PHTF2: variants seen among roughly 807,000 people sequenced by gnomAD.
PHTF2 encodes protein PHTF2.
Under a neutral mutation model 101.2 loss-of-function variants are expected in PHTF2, and 60 were observed. The observed-to-expected ratio is 0.59, with a 90% confidence interval of 0.48 to 0.73. The LOEUF is 0.73. PHTF2 is among the 30% of genes least tolerant of loss of function. The pLI is 0.00. For synonymous variants in PHTF2, 311 were observed against 307.3 expected, an observed-to-expected ratio of 1.01 and a Z score of -0.13; for missense variants, 747 against 908.7, an observed-to-expected ratio of 0.82 and a Z score of 2.29.
chr7:77,955,609 T>A (rs550628379), exon 20 of PHTF2: 9 of 152,762 alleles, frequency 5.9e-5, no homozygotes, highest in African/African-American at 1.9e-4. Flanking sequence ...TTAAAATTGT[T>A]ACTTTTAATG....
intron 5 of PHTF2, 103 bp from the exon 5 acceptor site, chr7:77,900,608 T>G (rs1193077744): frequency 1.4e-6 from 1 of 695,468 alleles, no homozygotes; most frequent in East Asian, 2.7e-5. Flanking sequence ...TTGTTGGTAC[T>G]ATTAACAATT....
chr7:77,838,150 C>T (rs1369689736), intron 1 of PHTF2, among the ~76,000 whole-genome samples: 1 of 152,048 alleles, frequency 6.6e-6, no homozygotes, highest in Non-Finnish European at 1.5e-5. Context: ...TGAATAGTCC[C>T]CTAGCAAAAT....
At chr7:77,837,031 T>C (rs1466751275) in intron 1 of PHTF2, among the ~76,000 whole-genome samples, 1 of 151,958 alleles carries the variant, frequency 6.6e-6, no homozygotes, top group Non-Finnish European at 1.5e-5. Context: ...ATTAAATCTA[T>C]GTCAAGGATA....
chr7:77,942,031 C>A (rs769196369), intron 15 of PHTF2, among the ~76,000 whole-genome samples: 1 of 152,104 alleles, frequency 6.6e-6, no homozygotes, highest in Non-Finnish European at 1.5e-5. Flanking sequence ...AGACTGCTTC[C>A]GTTCTTTACA....
chr7:77,800,801 G>A (rs1408869128), intron 1 of PHTF2, among the ~76,000 whole-genome samples: 1 of 152,146 alleles, frequency 6.6e-6, no homozygotes, highest in Non-Finnish European at 1.5e-5. Flanking sequence ...CTGTGAGATG[G>A]GTACTGATTA....
chr7:77,874,150 C>T (rs1388132803), intron 3 of PHTF2, among the ~76,000 whole-genome samples: 1 of 152,180 alleles, frequency 6.6e-6, no homozygotes, highest in Non-Finnish European at 1.5e-5. Flanking sequence ...AGTGATGAAT[C>T]AGGAGTGTCA....
chr7:77,901,098 T>C (rs1001468635), intron 6 of PHTF2, among the ~76,000 whole-genome samples: 4 of 151,956 alleles, frequency 2.6e-5, no homozygotes, highest in Non-Finnish European at 2.9e-5. Flanking sequence ...AATCACCAGA[T>C]CTCCTGAGAA....
intron 1 of PHTF2, among the ~76,000 whole-genome samples, chr7:77,835,891 G>A (rs952765910): frequency 5.9e-5 from 9 of 151,968 alleles, no homozygotes; most frequent in African/African-American, 9.7e-5. Context: ...AGGCTGAGAC[G>A]GGAGGATCAC....
intron 13 of PHTF2, among the ~76,000 whole-genome samples, chr7:77,938,942 T>G (rs1171190252): frequency 6.6e-6 from 1 of 152,214 alleles, no homozygotes; most frequent in Non-Finnish European, 1.5e-5. Flanking sequence ...AAATTGATAA[T>G]ACTCCCTATA....
At chr7:77,931,353 C>G in intron 12 of PHTF2, among the ~76,000 whole-genome samples, 1 of 152,198 alleles carries the variant, frequency 6.6e-6, no homozygotes, top group Non-Finnish European at 1.5e-5. Context: ...TTAACTATCA[C>G]AGTGTTACTA....
chr7:77,940,575 G>A, exon 15 of PHTF2: 1 of 1,607,432 alleles, frequency 6.2e-7, no homozygotes, highest in South Asian at 1.1e-5. Flanking sequence ...CTGCAAGGAG[G>A]GCTCGAAAAT....
At chr7:77,933,978 A>G (rs1313440849) in intron 12 of PHTF2, among the ~76,000 whole-genome samples, 1 of 152,138 alleles carries the variant, frequency 6.6e-6, no homozygotes, top group Non-Finnish European at 1.5e-5. Flanking sequence ...TCCTAGGCTT[A>G]TATTGGTTTT....
intron 12 of PHTF2, among the ~76,000 whole-genome samples, chr7:77,937,357 T>C (rs1289865388): frequency 6.6e-6 from 1 of 152,170 alleles, no homozygotes; most frequent in African/African-American, 2.4e-5. Flanking sequence ...TAAGTACTTT[T>C]GCTGACATGT....
In PHTF2 at chr7:77,831,732, C is replaced by T. The variant is rs570365040; in HGVS notation, c.-35-8489C>T. ...ACAGAGCACGGCTGCCATGACTGGA[C>T]AGCTTTCTGGTTTCACTACTTGGGT... On this transcript the variant is annotated intron_variant, in intron 1 of 19. Coordinates refer to ENST00000416283, the Ensembl canonical transcript of PHTF2. Among the ~76,000 whole-genome samples, 15 of 152,320 alleles carry T rather than the reference C, an allele frequency of 9.8e-5. No individual in the cohort carries two copies. In the East Asian group the frequency reaches 2.9e-3, roughly 29 times the overall value.
chr7:77,923,640 A>G (rs564717222), intron 11 of PHTF2: 11 of 984,704 alleles, frequency 1.1e-5, no homozygotes, highest in South Asian at 4.7e-5. Flanking sequence ...TGTCTGCTCT[A>G]TTGCCTCTTC....
At chr7:77,948,215 A>G (rs946964315) in intron 16 of PHTF2, among the ~76,000 whole-genome samples, 2 of 152,144 alleles carry the variant, frequency 1.3e-5, no homozygotes, top group African/African-American at 4.8e-5. Flanking sequence ...AAAATTACAG[A>G]AAGACTTTAT....
intron 16 of PHTF2, among the ~76,000 whole-genome samples, chr7:77,943,060 T>C (rs187621208): frequency 6.6e-6 from 1 of 152,368 alleles, no homozygotes; most frequent in African/African-American, 2.4e-5. Flanking sequence ...AAGAAACGTA[T>C]GAGTTATGAA....
In PHTF2 at chr7:77,912,764, C is replaced by G. The variant is rs988007391; in HGVS notation, c.776+2355C>G. Among the ~76,000 whole-genome samples, 5 of 101,968 alleles carry G rather than the reference C, an allele frequency of 4.9e-5. No individual in the cohort carries two copies. The Admixed American group carries it at 6.1e-4, about 12-fold the overall frequency. The allele number at this position is 101,968 out of a possible 152,430, so 66.9% of individuals were successfully genotyped here. On this transcript the variant is annotated intron_variant, in intron 9 of 19. Transcript: ENST00000416283. ...TTTTTTTTTTTGAGACAGGGTCTCA[C>G]TGCTGTAGTCCTTGGTGGAGCGCAG...
At chr7:77,908,941 A>G (rs1433591008) in exon 8 of PHTF2, 2 of 1,598,266 alleles carry the variant, frequency 1.3e-6, no homozygotes, top group Non-Finnish European at 1.7e-6. Flanking sequence ...CTCTAAGTAC[A>G]GGGGGTAAAA....
Sources: allele counts gnomAD v4.1 joint callset (sites outside exome capture counted in the v4.1 genomes callset), GRCh38; gene constraint gnomAD v4.1.1; transcripts MANE v1.5; gene names NCBI Gene and HGNC (gene_info 2026-07-23, HGNC 2026-07-21).